COLEC10: variants seen among roughly 807,000 people sequenced by gnomAD.
COLEC10 encodes collectin-10.
In COLEC10, 22 loss-of-function variants were observed where a neutral mutation model predicts 28.4. That is an observed-to-expected ratio of 0.78 (90% confidence interval 0.55 to 1.11). COLEC10 has a LOEUF of 1.11. COLEC10 is among the 50% of genes least tolerant of loss of function. The pLI is 0.00. For missense variants in COLEC10, 361 were observed against 344.1 expected (o/e 1.05, Z -0.39); for synonymous variants, 125 against 116.1 (o/e 1.08, Z -0.49).
Position 119,079,087 on chromosome 8 carries a change from T to C in COLEC10, c.149-10593T>C, listed in dbSNP as rs372484355. Reference sequence around the variant, plus strand: ...ATCTGCATGACAGGGTAAGGTCTCATAAAGGCTTCCTTCCCCCTTGTCCTC... The same window carrying C: ...ATCTGCATGACAGGGTAAGGTCTCACAAAGGCTTCCTTCCCCCTTGTCCTC... On this transcript the variant is annotated intron_variant, in intron 1 of 5. Transcript: ENST00000332843. Among the ~76,000 whole-genome samples, 464 of 151,604 alleles carry C rather than the reference T, an allele frequency of 3.1e-3. 2 individuals are homozygous for C. Among genetic ancestry groups the C allele is most frequent in the African/African-American group, 0.011 (435 of 41,398 alleles).
chr8:119,100,741 C>A (rs545695822), intron 3 of COLEC10, among the ~76,000 whole-genome samples: 1 of 152,294 alleles, frequency 6.6e-6, no homozygotes, highest in East Asian at 1.9e-4. Flanking sequence ...GTCTCTCTCA[C>A]AACATGTATC....
At position 119,015,773 on chromosome 8, in the gene COLEC10, A is replaced by C. The variant is rs538375442; in HGVS notation, n.235+6220A>C. On this transcript the variant is annotated intron_variant and non_coding_transcript_variant, in intron 2 of 6. Coordinates refer to the COLEC10 transcript ENST00000521788. ...TAGTTTGTCCTGTACCTGAGAAGAGAGTGGTTTTCTTCAGTTTCCTTAGGT... is the reference window on the plus strand; with the variant it reads ...TAGTTTGTCCTGTACCTGAGAAGAGCGTGGTTTTCTTCAGTTTCCTTAGGT... 7.9e-5 allele frequency among the ~76,000 whole-genome samples: 12 copies of C among 152,182 alleles called. No individual in the cohort carries two copies. The South Asian group carries it at 2.5e-3, about 32-fold the overall frequency.
At chr8:119,063,214 G>A (rs1249396878), upstream of COLEC10, 1 of 152,192 alleles carries the variant, frequency 6.6e-6, no homozygotes, top group East Asian at 1.9e-4. Context: ...CTGAGCAAAT[G>A]TTTTGATGTG....
the COLEC10 span, among the ~76,000 whole-genome samples, chr8:118,955,341 A>C: frequency 1.8e-4 from 28 of 152,214 alleles, no homozygotes; most frequent in Admixed American, 5.9e-4. Context: ...AGGTAAAGTT[A>C]TCTAGCTGAC....
the COLEC10 span, among the ~76,000 whole-genome samples, chr8:118,990,026 G>C: frequency 1.3e-5 from 2 of 151,992 alleles, no homozygotes; most frequent in Non-Finnish European, 2.9e-5. Flanking sequence ...TATATATGTA[G>C]ATACTGTGGA....
intron 1 of COLEC10, among the ~76,000 whole-genome samples, chr8:119,087,873 G>C (rs532287533): frequency 1.3e-5 from 2 of 152,084 alleles, no homozygotes; most frequent in Admixed American, 1.3e-4. Context: ...TAACCACATA[G>C]TCTCATTTTT....
intron 2 of COLEC10, among the ~76,000 whole-genome samples, chr8:119,037,413 T>A (rs760990979): frequency 8.1e-5 from 12 of 147,980 alleles, no homozygotes; most frequent in Non-Finnish European, 1.3e-4. Flanking sequence ...AACTTGATAT[T>A]TTTTTTTTCC....
chr8:119,093,889 CCTG>C (rs1202264657), intron 3 of COLEC10, among the ~76,000 whole-genome samples: 1 of 152,208 alleles, frequency 6.6e-6, no homozygotes, highest in African/African-American at 2.4e-5. Flanking sequence ...ATTTCTCTCT[CCTG>C]CTCCAGTTTC....
intron 1 of COLEC10, among the ~76,000 whole-genome samples, chr8:119,074,225 T>C (rs1815181038): frequency 6.6e-6 from 1 of 152,056 alleles, no homozygotes. Context: ...TAATATTTGA[T>C]AGGACAACAG....
chr8:119,070,535 T>C (rs1178946824), intron 1 of COLEC10, among the ~76,000 whole-genome samples: 2 of 71,598 alleles, frequency 2.8e-5, no homozygotes, highest in Admixed American at 1.9e-4. Flanking sequence ...CCTCCCTCCA[T>C]CTCTCTCTCC....
intron 1 of COLEC10, among the ~76,000 whole-genome samples, chr8:119,073,937 C>T (rs750012698): frequency 3.5e-5 from 4 of 113,466 alleles, no homozygotes; most frequent in Admixed American, 1.7e-4. Context: ...ATATATAAAA[C>T]GTACATATAT....
chr8:119,091,365 C>G (rs1815590004), intron 3 of COLEC10, 145 bp downstream of exon 3: 1 of 541,210 alleles, frequency 1.8e-6, no homozygotes, highest in East Asian at 3.2e-5. Flanking sequence ...CTGCACAACA[C>G]AGCAAGACCC....
rs1173296250 is a variant in COLEC10 at position 119,055,172 on chromosome 8, C to T, written n.236-34508C>T. 2.0e-5 allele frequency among the ~76,000 whole-genome samples: 3 copies of T among 152,046 alleles called. No individual in the cohort carries two copies. The East Asian group carries it at 5.8e-4, about 29-fold the overall frequency. Reference sequence around the variant, plus strand: ...TATCAGTTCAGCAAATGCCTGATAGCCTTTCTTAACTTCTCTGTGTTGAGT... The same window carrying T: ...TATCAGTTCAGCAAATGCCTGATAGTCTTTCTTAACTTCTCTGTGTTGAGT... On this transcript the variant is annotated intron_variant and non_coding_transcript_variant, in intron 2 of 6. Coordinates refer to the COLEC10 transcript ENST00000521788.
intron 1 of COLEC10, among the ~76,000 whole-genome samples, chr8:119,002,557 C>A (rs905108758): frequency 1.3e-5 from 2 of 152,102 alleles, no homozygotes; most frequent in Non-Finnish European, 2.9e-5. Flanking sequence ...CATATTACAA[C>A]CAATTACTTA....
chr8:118,979,495 T>G, the COLEC10 span, among the ~76,000 whole-genome samples: 169 of 152,170 alleles, frequency 1.1e-3, no homozygotes, highest in Non-Finnish European at 2.1e-3. Context: ...CACCTAGAAT[T>G]AGCTGCTAAC....
At chr8:119,090,421 G>T (rs956444637) in intron 2 of COLEC10, among the ~76,000 whole-genome samples, 1 of 152,148 alleles carries the variant, frequency 6.6e-6, no homozygotes, top group Admixed American at 6.5e-5. Context: ...TGCTACAAGA[G>T]GGCTGCCCTA....
chr8:119,079,370 A>T lies in COLEC10; in HGVS notation c.149-10310A>T, dbSNP rs746944293. On this transcript the variant is annotated intron_variant, in intron 1 of 5. Transcript: ENST00000332843. ...GCTAAAGTCCCATACCCTTTCAGTG[A>T]TGGAGCCTGGACTTGAACCAAGCGC... Among the ~76,000 whole-genome samples, 8 of 152,144 alleles carry T rather than the reference A, an allele frequency of 5.3e-5. No homozygotes were observed. In the South Asian group the frequency reaches 1.7e-3, roughly 31 times the overall value.
At chr8:119,081,190 T>C (rs889686790) in intron 1 of COLEC10, among the ~76,000 whole-genome samples, 1 of 152,150 alleles carries the variant, frequency 6.6e-6, no homozygotes, top group African/African-American at 2.4e-5. Context: ...TTGTAGCAAT[T>C]TACATAGCCA....
At chr8:118,989,572 CA>C in the COLEC10 span, among the ~76,000 whole-genome samples, 5 of 148,998 alleles carry the variant, frequency 3.4e-5, no homozygotes, top group African/African-American at 5.1e-5. Flanking sequence ...CACACACACA[CA>C]CACACCCCTA....
Sources: allele counts gnomAD v4.1 joint callset (sites outside exome capture counted in the v4.1 genomes callset), GRCh38; gene constraint gnomAD v4.1.1; transcripts MANE v1.5; gene names NCBI Gene and HGNC (gene_info 2026-07-23, HGNC 2026-07-21).